Variants in BCAS3 observed in about 807,000 individuals in gnomAD.
BCAS3 encodes BCAS4/BCAS3 fusion.
A neutral mutation model predicts 116.1 loss-of-function variants in BCAS3; 53 were observed. That is an observed-to-expected ratio of 0.46 (90% CI 0.37 to 0.57). The LOEUF (loss-of-function observed/expected upper bound fraction) is 0.57, where lower values mean the gene tolerates loss of function less well. BCAS3 is among the 20% of genes least tolerant of loss of function. The pLI is 0.00. For missense variants in BCAS3, 917 were observed against 1,165.4 expected (o/e 0.79, Z 3.10); for synonymous variants, 391 against 408.2 (o/e 0.96, Z 0.51).
chr17:61,070,400 T>TATATATATATATATATATA lies in BCAS3; in HGVS notation c.2030-4520_2030-4519insATATATATATATATATATA, dbSNP rs1555698457. 240 of 180,952 alleles carry TATATATATATATATATATA rather than the reference T, an allele frequency of 1.3e-3. 10 individuals carry two copies. Among genetic ancestry groups the TATATATATATATATATATA allele is most frequent in the Middle Eastern group, 2.3e-3 (1 of 434 alleles). 11.2% of individuals were successfully genotyped at this position (180,952 alleles called of 1,614,324 possible). A position where few individuals can be genotyped will look rare whatever the true frequency, so the allele number is the denominator to read the frequency against. ...ATATATATATATATATATATATATATCTTTTCACCATTTAAAAAAAATAGA... is the reference window on the plus strand; with the variant it reads ...ATATATATATATATATATATATATATATATATATATATATATATACTTTTCACCATTTAAAAAAAATAGA... On this transcript the variant is annotated intron_variant, in intron 19 of 23. Coordinates refer to ENST00000407086, the MANE Select transcript of BCAS3 (RefSeq NM_017679.5).
At chr17:61,178,733 A>G (rs773790876) in intron 22 of BCAS3, among the ~76,000 whole-genome samples, 52 of 152,218 alleles carry the variant, frequency 3.4e-4, no homozygotes, top group Non-Finnish European at 6.5e-4. Context: ...AATTTATCAA[A>G]TAGAGGTGGG....
chr17:60,744,434 A>G lies in BCAS3; in HGVS notation c.322-2764A>G, dbSNP rs143464018. 3.5e-3 allele frequency among the ~76,000 whole-genome samples: 540 copies of G among 152,312 alleles called. 5 individuals are homozygous for G. The highest frequency in any genetic ancestry group is 0.012 in the African/African-American group (494 of 41,572). On this transcript the variant is annotated intron_variant, in intron 5 of 23. Transcript: ENST00000407086. ...AAGATAGCTAAAGCAGAATCTGTAA[A>G]GACTAACCATCCTCTGTGTGTCCTT...
At chr17:60,819,439 G>A (rs936874136) in intron 7 of BCAS3, among the ~76,000 whole-genome samples, 3 of 152,118 alleles carry the variant, frequency 2.0e-5, no homozygotes, top group South Asian at 4.1e-4. Context: ...GACTGTGTGA[G>A]ATTATATTTC....
intron 13 of BCAS3, among the ~76,000 whole-genome samples, chr17:60,938,339 T>C (rs2060045354): frequency 6.6e-6 from 1 of 152,196 alleles, no homozygotes; most frequent in Non-Finnish European, 1.5e-5. Context: ...AGTATAGACA[T>C]AGATGAGTGA....
chr17:61,154,501 T>A (rs1450984562), intron 22 of BCAS3, among the ~76,000 whole-genome samples: 1 of 151,654 alleles, frequency 6.6e-6, no homozygotes. Context: ...AGTGGGGGGA[T>A]CATGGCTCAC....
At chr17:61,033,914 G>A (rs1262410508) in intron 16 of BCAS3, among the ~76,000 whole-genome samples, 1 of 152,136 alleles carries the variant, frequency 6.6e-6, no homozygotes, top group African/African-American at 2.4e-5. Context: ...AGGAAGTAAT[G>A]GCAGTTACTA....
chr17:60,737,873 G>A (rs1327482022), intron 5 of BCAS3, among the ~76,000 whole-genome samples: 1 of 151,906 alleles, frequency 6.6e-6, no homozygotes, highest in African/African-American at 2.4e-5. Flanking sequence ...TACAACCCTT[G>A]CCTCTTCGGT....
intron 4 of BCAS3, among the ~76,000 whole-genome samples, chr17:60,693,735 C>G (rs148841319): frequency 1.3e-5 from 2 of 151,222 alleles, no homozygotes; most frequent in Non-Finnish European, 2.9e-5. Context: ...ATATCAAGGT[C>G]TAGTACTATA....
chr17:60,986,495 C>A (rs2063151151), intron 14 of BCAS3, among the ~76,000 whole-genome samples: 1 of 152,140 alleles, frequency 6.6e-6, no homozygotes, highest in South Asian at 2.1e-4. Context: ...ACATCCTTGC[C>A]ATCGTTTGCT....
At chr17:60,688,585 G>A (rs368752450) in intron 3 of BCAS3, among the ~76,000 whole-genome samples, 9 of 151,950 alleles carry the variant, frequency 5.9e-5, no homozygotes, top group South Asian at 2.1e-4. Flanking sequence ...ATGCCGAGGC[G>A]GGGCGGATCA....
At position 61,378,420 on chromosome 17, in the gene BCAS3, A is replaced by T. The variant is rs2059436360; in HGVS notation, c.2593+9926A>T. On this transcript the variant is annotated intron_variant, in intron 23 of 23. Coordinates refer to ENST00000407086, the MANE Select transcript of BCAS3 (RefSeq NM_017679.5). The surrounding 1 kb of genome is among the most constrained non-coding windows in gnomAD (Gnocchi z 5.8). ...AATTTCTGCACCACCGACTTGCTGG[A>T]TACTTGGCCCTGGGCAAAGAGTGTA... The T allele has an allele frequency of 6.6e-6, 1 of 152,228 alleles. No homozygotes were observed. The highest frequency in any genetic ancestry group is 1.5e-5 in the Non-Finnish European group (1 of 68,076). 9.4% of individuals were successfully genotyped at this position (152,228 alleles called of 1,614,324 possible).
Position 61,041,617 on chromosome 17 carries a change from T to C in BCAS3, c.2029+725T>C, listed in dbSNP as rs983473208. On this transcript the variant is annotated intron_variant, in intron 19 of 23. Transcript: ENST00000407086. This position sits in a 1 kb window ranked among gnomAD's most constrained non-coding sequence, Gnocchi z 4.7. ...AAAGAAAATTCTTAAAAATCAACAT[T>C]GACATGTTTTTAATGAAACTTTGTT... is the stretch of plus-strand genomic sequence containing the variant. Among the ~76,000 whole-genome samples, 2 of 152,082 alleles carry C rather than the reference T, an allele frequency of 1.3e-5. No individual in the cohort carries two copies. Among genetic ancestry groups the C allele is most frequent in the Non-Finnish European group, 2.9e-5 (2 of 67,976 alleles).
chr17:61,150,854 C>T lies in BCAS3; in HGVS notation c.2425+66290C>T, dbSNP rs73324898. On this transcript the variant is annotated intron_variant, in intron 22 of 23. Coordinates refer to ENST00000407086, the MANE Select transcript of BCAS3 (RefSeq NM_017679.5). ...ATTACTAATAAGGTACTTACCTCAT[C>T]ATTTCGTTTCTCACTTACTGAACGT... Among the ~76,000 whole-genome samples, 365 of 152,312 alleles carry T rather than the reference C, an allele frequency of 2.4e-3. 4 individuals carry two copies. Among genetic ancestry groups the T allele is most frequent in the African/African-American group, 8.4e-3 (351 of 41,556 alleles).
chr17:60,950,305 G>T (rs2145259910), intron 14 of BCAS3, among the ~76,000 whole-genome samples: 1 of 152,204 alleles, frequency 6.6e-6, no homozygotes, highest in African/African-American at 2.4e-5. Context: ...ACAATAGAGG[G>T]ATGGTTATGT....
chr17:61,289,884 G>T (rs959947986), intron 22 of BCAS3, among the ~76,000 whole-genome samples: 9 of 152,170 alleles, frequency 5.9e-5, no homozygotes, highest in Non-Finnish European at 8.8e-5. Flanking sequence ...AGGTATAAAG[G>T]TCTGTTCCTT....
At chr17:60,810,226 G>A in intron 7 of BCAS3, 1 of 436,540 alleles carries the variant, frequency 2.3e-6, no homozygotes. Context: ...CTCTGTGCAG[G>A]TGCCCAGCTA....
At chr17:61,060,551 A>G (rs1373788247) in intron 19 of BCAS3, among the ~76,000 whole-genome samples, 1 of 152,202 alleles carries the variant, frequency 6.6e-6, no homozygotes, top group Non-Finnish European at 1.5e-5. Flanking sequence ...ATGATCCTGA[A>G]TACTTCATGT....
rs980935718 is a variant in BCAS3 at position 61,315,268 on chromosome 17, C to T, written c.2426-53059C>T. On this transcript the variant is annotated intron_variant, in intron 22 of 23. Coordinates refer to ENST00000407086, the MANE Select transcript of BCAS3 (RefSeq NM_017679.5). This position sits in a 1 kb window ranked among gnomAD's most constrained non-coding sequence, Gnocchi z 5.3. The stretch of plus-strand genomic sequence containing the variant: ...TAGCTGGGATTATAGGCGCCCACCA[C>T]CACACCCGGCTAATTTTTGTATTTT... 3.3e-5 allele frequency among the ~76,000 whole-genome samples: 5 copies of T among 152,134 alleles called. No individual in the cohort carries two copies. The highest frequency in any genetic ancestry group is 6.5e-5 in the Admixed American group (1 of 15,270).
intron 22 of BCAS3, among the ~76,000 whole-genome samples, chr17:61,291,840 A>G (rs180678259): frequency 1.3e-5 from 2 of 152,244 alleles, no homozygotes; most frequent in Admixed American, 1.3e-4. Context: ...GCAAGCCTGT[A>G]TGCACGCCCG....
Sources: allele counts gnomAD v4.1 joint callset (sites outside exome capture counted in the v4.1 genomes callset), GRCh38; gene constraint gnomAD v4.1.1; non-coding constraint Gnocchi (gnomAD v3.1); transcripts MANE v1.5; gene names NCBI Gene and HGNC (gene_info 2026-07-23, HGNC 2026-07-21).